The following MYH11 variants were observed in gnomAD, a reference collection of about 807,000 sequenced individuals.
MYH11 encodes the protein myosin-11.
In MYH11, 80 loss-of-function variants were observed where a neutral mutation model predicts 246.6. That is an observed-to-expected ratio of 0.32 (90% confidence interval 0.27 to 0.39). The LOEUF (loss-of-function observed/expected upper bound fraction) is 0.39, where lower values mean the gene tolerates loss of function less well. MYH11 is among the 10% of genes least tolerant of loss of function. MYH11 has a pLI of 1.00. For missense variants in MYH11, 2,158 were observed against 2,546.8 expected (o/e 0.85, Z 3.29); for synonymous variants, 1,071 against 1,015.5 (o/e 1.05, Z -1.04).
chr16:15,847,792 G>A (rs1052504767), intron 1 of MYH11, among the ~76,000 whole-genome samples: 4 of 152,286 alleles, frequency 2.6e-5, no homozygotes, highest in South Asian at 2.1e-4. Context: ...CAGTTACGAC[G>A]TGCAAAATCT....
intron 1 of MYH11, among the ~76,000 whole-genome samples, chr16:15,841,401 G>A (rs1301295219): frequency 1.3e-5 from 2 of 152,224 alleles, no homozygotes; most frequent in South Asian, 2.1e-4. Flanking sequence ...GGCTCTCAAA[G>A]TGAAGGGATT....
rs939758541 is a variant in MYH11, at chr16:15,755,668, C to A, written c.1749+673G>T. ...AGCTGGGCGGCCAGGCACGGTGGCT[C>A]ATGCCTGTAATCCTAGCACCTTGGG... On this transcript the variant is annotated intron_variant, in intron 14 of 40. Transcript: ENST00000300036. Among the ~76,000 whole-genome samples, 3 of 152,154 alleles carry A rather than the reference C, an allele frequency of 2.0e-5. No individual in the cohort carries two copies. The East Asian group carries it at 5.8e-4, about 29-fold the overall frequency.
intron 28 of MYH11, chr16:15,725,987 C>A (rs909433485): frequency 1.9e-5 from 6 of 319,382 alleles, no homozygotes; most frequent in Admixed American, 5.0e-5. Context: ...GCTGGGCACT[C>A]CAGCTCTACT....
At chr16:15,817,476 A>G (rs2043289687) in intron 3 of MYH11, among the ~76,000 whole-genome samples, 2 of 152,020 alleles carry the variant, frequency 1.3e-5, no homozygotes, top group South Asian at 4.1e-4. Context: ...GTGCTGCTGC[A>G]CTCCAGCCTG....
intron 40 of MYH11, among the ~76,000 whole-genome samples, chr16:15,706,207 C>A (rs1006199181): frequency 6.6e-6 from 1 of 152,134 alleles, no homozygotes; most frequent in African/African-American, 2.4e-5. Context: ...CACAGAGAAG[C>A]TTCTGGACTT....
At chr16:15,842,762 C>CAAAAAAAAAAAAAAA (rs757920488) in intron 1 of MYH11, among the ~76,000 whole-genome samples, 1 of 19,674 alleles carries the variant, frequency 5.1e-5, no homozygotes, top group African/African-American at 1.1e-4. Context: ...AGACTTCATC[C>CAAAAAAAAAAAAAAA]AAAAAAAAAA....
chr16:15,838,749 A>T (rs899354868), intron 1 of MYH11, among the ~76,000 whole-genome samples: 8 of 151,558 alleles, frequency 5.3e-5, no homozygotes, highest in Non-Finnish European at 1.0e-4. Flanking sequence ...AATCCCAGCC[A>T]CTTGGGAGGC....
At chr16:15,728,899 CA>C (rs371840626) in intron 27 of MYH11, among the ~76,000 whole-genome samples, 20 of 145,044 alleles carry the variant, frequency 1.4e-4, no homozygotes, top group Admixed American at 1.4e-4. Flanking sequence ...GACTTTGTCT[CA>C]AAAAAAAAAG....
intron 3 of MYH11, among the ~76,000 whole-genome samples, chr16:15,815,552 A>T (rs1158085017): frequency 6.6e-6 from 1 of 152,194 alleles, no homozygotes; most frequent in Non-Finnish European, 1.5e-5. Flanking sequence ...TAGGAATTCC[A>T]TTATGGAAAT....
rs780145425 is a variant in MYH11 at position 15,719,211 on chromosome 16, G to A, written c.5171+9C>T. ...CTTCAGAGCCCTCTTCCTCCATTCA[G>A]TTTCCTACCTTCCCGACAGGCTACT... On this transcript the variant is annotated intron_variant, in intron 36 of 40. Coordinates refer to ENST00000300036, the MANE Select transcript of MYH11 (RefSeq NM_002474.3). 28 of 1,613,138 alleles carry A rather than the reference G, an allele frequency of 1.7e-5. No individual in the cohort carries two copies. Among genetic ancestry groups the A allele is most frequent in the South Asian group, 3.3e-5 (3 of 91,076 alleles).
chr16:15,737,800 A>G (rs890439812), intron 24 of MYH11, among the ~76,000 whole-genome samples, 180 bp from the exon 25 acceptor site: 5 of 152,230 alleles, frequency 3.3e-5, no homozygotes, highest in Middle Eastern at 6.8e-3. Flanking sequence ...TCATAATATT[A>G]TTATTAGTTG....
chr16:15,801,183 G>C (rs1271602692), intron 3 of MYH11, among the ~76,000 whole-genome samples: 4 of 152,128 alleles, frequency 2.6e-5, no homozygotes, highest in African/African-American at 9.7e-5. Context: ...GCCAGGCTGG[G>C]CAACAGAGCA....
At chr16:15,787,839 A>C (rs1442505997) in intron 4 of MYH11, among the ~76,000 whole-genome samples, 2 of 152,104 alleles carry the variant, frequency 1.3e-5, no homozygotes, top group East Asian at 3.9e-4. Context: ...TTATGGAAAG[A>C]AAAATTTACC....
intron 4 of MYH11, among the ~76,000 whole-genome samples, chr16:15,796,556 C>T (rs557277303): frequency 1.8e-4 from 28 of 152,320 alleles, no homozygotes; most frequent in African/African-American, 6.0e-4. Context: ...TGACATGTGG[C>T]TCACACATGG....
At chr16:15,761,032 G>A (rs1445138752) in intron 10 of MYH11, among the ~76,000 whole-genome samples, 1 of 152,188 alleles carries the variant, frequency 6.6e-6, no homozygotes, top group Non-Finnish European at 1.5e-5. Flanking sequence ...TCGGTACCTT[G>A]TTGGTACCCA....
rs563968748 is a variant in MYH11, at chr16:15,746,178, G to A, written c.2412-941C>T. Among the ~76,000 whole-genome samples the A allele has an allele frequency of 1.3e-4, 20 of 151,334 alleles. No homozygotes were observed. In the South Asian group the frequency reaches 3.6e-3, roughly 27 times the overall value. On this transcript the variant is annotated intron_variant, in intron 19 of 40. Coordinates refer to ENST00000300036, the MANE Select transcript of MYH11 (RefSeq NM_002474.3). ...TGGGCTCAAGCAATCCTCCTGCCTC[G>A]GCCTCCCAAAGTGCCTGGGATTACA...
intron 14 of MYH11, among the ~76,000 whole-genome samples, chr16:15,754,204 G>A (rs1332145399): frequency 6.6e-6 from 1 of 152,068 alleles, no homozygotes; most frequent in South Asian, 2.1e-4. Context: ...GTGACAGAGT[G>A]AGACTCTGTC....
chr16:15,756,036 T>C (rs1408817056), intron 14 of MYH11, among the ~76,000 whole-genome samples: 1 of 152,176 alleles, frequency 6.6e-6, no homozygotes, highest in Non-Finnish European at 1.5e-5. Flanking sequence ...AGGTTGAGGC[T>C]GTAGTGAGCT....
At chr16:15,849,502 C>T (rs2044277736) in intron 1 of MYH11, among the ~76,000 whole-genome samples, 1 of 152,064 alleles carries the variant, frequency 6.6e-6, no homozygotes, top group Admixed American at 6.5e-5. Context: ...AGTGAAGTGG[C>T]GCGATCTCTG....
Sources: allele counts gnomAD v4.1 joint callset (sites outside exome capture counted in the v4.1 genomes callset), GRCh38; gene constraint gnomAD v4.1.1; transcripts MANE v1.5; gene names NCBI Gene and HGNC (gene_info 2026-07-23, HGNC 2026-07-21).